Variants in GHR observed in about 807,000 individuals in gnomAD.
The protein encoded by GHR is growth hormone receptor, also known as GH receptor.
Under a neutral mutation model 67.1 loss-of-function variants are expected in GHR, and 35 were observed. The observed-to-expected ratio is 0.52, with a 90% CI of 0.40 to 0.69. The LOEUF is 0.69. GHR is among the 30% of genes least tolerant of loss of function. The pLI is 0.00. For missense variants in GHR, 792 were observed against 764.6 expected (o/e 1.04, Z -0.42); for synonymous variants, 272 against 269.1 (o/e 1.01, Z -0.10).
chr5:42,683,918 T>C (rs746793632), intron 3 of GHR, among the ~76,000 whole-genome samples: 1 of 152,174 alleles, frequency 6.6e-6, no homozygotes, highest in Non-Finnish European at 1.5e-5. Flanking sequence ...GAATACTAAG[T>C]TTAAGTAATC....
At chr5:42,473,458 T>C (rs746679413) in intron 1 of GHR, among the ~76,000 whole-genome samples, 19 of 152,112 alleles carry the variant, frequency 1.2e-4, no homozygotes, top group Non-Finnish European at 2.4e-4. Context: ...AGCAGGACAT[T>C]ACCAGAATTC....
intron 1 of GHR, among the ~76,000 whole-genome samples, chr5:42,520,469 G>A (rs1747425404): frequency 6.6e-6 from 1 of 152,116 alleles, no homozygotes; most frequent in African/African-American, 2.4e-5. Flanking sequence ...CCTTAACCCT[G>A]CACTGTCTGC....
At chr5:42,681,959 CAT>C (rs1298402921) in intron 3 of GHR, among the ~76,000 whole-genome samples, 4 of 120,750 alleles carry the variant, frequency 3.3e-5, no homozygotes, top group Admixed American at 1.7e-4. Flanking sequence ...AAAAAAAAGA[CAT>C]ATGCACACGT....
In GHR at chr5:42,513,782, C is replaced by CA. The variant is rs764901525; in HGVS notation, c.-11-52071dup. On this transcript the variant is annotated intron_variant, in intron 1 of 9. Coordinates refer to ENST00000230882, the MANE Select transcript of GHR (RefSeq NM_000163.5). ...GGGCAACAAAAGCAAAACTCCGTCT[C>CA]AAAAAAAAAAAGCTTCAGCAGGGTG... Among the ~76,000 whole-genome samples, 466 of 133,460 alleles carry CA rather than the reference C, an allele frequency of 3.5e-3. 4 individuals carry two copies. The East Asian group carries it at 0.039, about 11-fold the overall frequency. 87.6% of individuals were successfully genotyped at this position (133,460 alleles called of 152,430 possible). A position where few individuals can be genotyped will look rare whatever the true frequency, so the allele number is the denominator to read the frequency against.
chr5:42,606,718 G>C (rs1752647326), intron 2 of GHR, among the ~76,000 whole-genome samples: 1 of 152,078 alleles, frequency 6.6e-6, no homozygotes, highest in South Asian at 2.1e-4. Context: ...ATCAAAATCG[G>C]GCTCCCAGTT....
chr5:42,536,425 G>A (rs12520370), intron 1 of GHR, among the ~76,000 whole-genome samples: 2,577 of 152,224 alleles, frequency 0.017, 149 homozygotes, highest in East Asian at 0.12. Flanking sequence ...AGATGATCAT[G>A]TGATTTTTGT....
At chr5:42,446,547 A>G (rs1743814533) in intron 1 of GHR, among the ~76,000 whole-genome samples, 1 of 152,212 alleles carries the variant, frequency 6.6e-6, no homozygotes, top group Non-Finnish European at 1.5e-5. Context: ...TTATGTCAGT[A>G]AGTAACATGA....
At chr5:42,656,491 C>G (rs1389306723) in intron 3 of GHR, among the ~76,000 whole-genome samples, 1 of 152,116 alleles carries the variant, frequency 6.6e-6, no homozygotes, top group Non-Finnish European at 1.5e-5. Context: ...GCAACATCAC[C>G]TCTAAAGCCT....
chr5:42,441,056 G>A (rs1167208023), intron 1 of GHR, among the ~76,000 whole-genome samples: 1 of 152,150 alleles, frequency 6.6e-6, no homozygotes, highest in Non-Finnish European at 1.5e-5. Context: ...AAATTTGTAA[G>A]ACAATGGTTT....
At chr5:42,480,509 T>A (rs1026368324) in intron 1 of GHR, among the ~76,000 whole-genome samples, 4 of 152,192 alleles carry the variant, frequency 2.6e-5, no homozygotes, top group African/African-American at 9.7e-5. Context: ...CCATTATTAT[T>A]GTGTGGGAGT....
At chr5:42,643,198 G>A (rs914457694) in intron 3 of GHR, among the ~76,000 whole-genome samples, 7 of 152,104 alleles carry the variant, frequency 4.6e-5, no homozygotes, top group African/African-American at 7.2e-5. Flanking sequence ...TTAACTTAAC[G>A]CATTTAACGC....
intron 1 of GHR, among the ~76,000 whole-genome samples, chr5:42,494,651 G>A (rs970826557): frequency 2.6e-5 from 4 of 152,136 alleles, no homozygotes; most frequent in East Asian, 1.9e-4. Context: ...AGATTAGCAC[G>A]TATGGGAGGA....
chr5:42,489,221 T>C (rs1430621093), intron 1 of GHR, among the ~76,000 whole-genome samples: 1 of 152,184 alleles, frequency 6.6e-6, no homozygotes, highest in African/African-American at 2.4e-5. Flanking sequence ...ATTTTCCTAG[T>C]CCTCTTTTCT....
intron 3 of GHR, among the ~76,000 whole-genome samples, chr5:42,682,787 T>C (rs1457067854): frequency 6.6e-6 from 1 of 152,226 alleles, no homozygotes; most frequent in East Asian, 1.9e-4. Flanking sequence ...TCTGTATTAA[T>C]AGCATTCAAA....
At chr5:42,472,768 T>C (rs759561200) in intron 1 of GHR, among the ~76,000 whole-genome samples, 1 of 151,802 alleles carries the variant, frequency 6.6e-6, no homozygotes, top group Non-Finnish European at 1.5e-5. Flanking sequence ...TGAGTAGATG[T>C]GTTTAGGTGG....
At chr5:42,465,980 C>G (rs1196620843) in intron 1 of GHR, 1 of 642,362 alleles carries the variant, frequency 1.6e-6, no homozygotes, top group Non-Finnish European at 2.8e-6. Context: ...TTGAGCAGGT[C>G]TTCTTCCAAC....
At chr5:42,577,302 C>T (rs2112535635) in intron 2 of GHR, among the ~76,000 whole-genome samples, 1 of 152,316 alleles carries the variant, frequency 6.6e-6, no homozygotes, top group African/African-American at 2.4e-5. Flanking sequence ...AGGTTCCTTT[C>T]TTCCTGGTCT....
At chr5:42,678,017 G>A (rs1457327555) in intron 3 of GHR, among the ~76,000 whole-genome samples, 1 of 152,182 alleles carries the variant, frequency 6.6e-6, no homozygotes, top group Non-Finnish European at 1.5e-5. Context: ...TAATAACAAT[G>A]AGCATTTATA....
intron 3 of GHR, among the ~76,000 whole-genome samples, chr5:42,655,594 A>G (rs1440331836): frequency 6.6e-6 from 1 of 152,192 alleles, no homozygotes; most frequent in African/African-American, 2.4e-5. Flanking sequence ...TTTTGAACAC[A>G]TGATACATAT....
Sources: allele counts gnomAD v4.1 joint callset (sites outside exome capture counted in the v4.1 genomes callset), GRCh38; gene constraint gnomAD v4.1.1; transcripts MANE v1.5; gene names NCBI Gene and HGNC (gene_info 2026-07-23, HGNC 2026-07-21).